The following RIC1 variants were observed in gnomAD, a reference collection of about 807,000 sequenced individuals.
RIC1 encodes the protein guanine nucleotide exchange factor subunit RIC1.
RIC1 carries 88 observed loss-of-function variants against 169.0 expected under a neutral mutation model. The observed-to-expected ratio is 0.52, with a 90% CI of 0.44 to 0.62. RIC1 has a LOEUF of 0.62. RIC1 is among the 20% of genes least tolerant of loss of function. The pLI is 0.00. For missense variants in RIC1, 1,877 were observed against 1,725.5 expected, an observed-to-expected ratio of 1.09 and a Z score of -1.56; for synonymous variants, 790 against 601.5, an observed-to-expected ratio of 1.31 and a Z score of -4.59.
Position 5,774,358 on chromosome 9 carries a change from G to GT in RIC1, c.*113dup. 1 of 827,458 alleles carries GT rather than the reference G, an allele frequency of 1.2e-6. No individual in the cohort carries two copies. The highest frequency in any genetic ancestry group is 2.8e-5 in the Admixed American group (1 of 35,592). The allele number at this position is 827,458 out of a possible 1,614,324, so 51.3% of individuals were successfully genotyped here. A position where few individuals can be genotyped will look rare whatever the true frequency, so the allele number is the denominator to read the frequency against. On this transcript the variant is annotated 3_prime_UTR_variant, in exon 26 of 26. Coordinates refer to ENST00000414202, the MANE Select transcript of RIC1 (RefSeq NM_020829.4). ...GAGAACTCAGTTCAGAGACTCTTCG[G>GT]TAAGTATTAGTAGATTTTAACTAAT... is the stretch of plus-strand genomic sequence containing the variant.
At chr9:5,644,462 C>T (rs1818403690) in intron 1 of RIC1, among the ~76,000 whole-genome samples, 2 of 152,128 alleles carry the variant, frequency 1.3e-5, no homozygotes, top group Admixed American at 1.3e-4. Flanking sequence ...GTGGTAAAGT[C>T]TGGGCTTTTA....
intron 11 of RIC1, 49 bp downstream of exon 11, chr9:5,746,132 C>G (rs749302461): frequency 2.7e-6 from 4 of 1,465,260 alleles, no homozygotes; most frequent in Non-Finnish European, 3.8e-6. Flanking sequence ...GTGTTAGAAG[C>G]TCAGACCCTT....
rs148769163 is a variant in RIC1 at position 5,714,889 on chromosome 9, A to G, written c.440+886A>G. ...ATATTGAACTATGTAAATGTATTGA[A>G]TTATATGAATGTCATGCTACTTTTA... On this transcript the variant is annotated intron_variant, in intron 4 of 25. Transcript: ENST00000414202. 2.5e-3 allele frequency among the ~76,000 whole-genome samples: 381 copies of G among 152,268 alleles called. 1 individual carries two copies. The highest frequency in any genetic ancestry group is 8.8e-3 in the African/African-American group (364 of 41,560).
chr9:5,683,764 C>T (rs1047583445), intron 2 of RIC1, among the ~76,000 whole-genome samples: 6 of 152,154 alleles, frequency 3.9e-5, no homozygotes, highest in Non-Finnish European at 7.3e-5. Flanking sequence ...CTGAGGAAGG[C>T]GGGCCTCCTT....
intron 8 of RIC1, among the ~76,000 whole-genome samples, chr9:5,738,847 T>A (rs1188622115): frequency 1.3e-5 from 2 of 150,782 alleles, no homozygotes; most frequent in East Asian, 3.9e-4. Context: ...AATGCCCAAG[T>A]TCTACACAAG....
chr9:5,638,455 T>C (rs1023076504), intron 1 of RIC1, among the ~76,000 whole-genome samples: 3 of 152,218 alleles, frequency 2.0e-5, no homozygotes, highest in Non-Finnish European at 4.4e-5. Flanking sequence ...AATTGAGCAG[T>C]GAAACCACTA....
chr9:5,718,699 G>C (rs934181040), intron 4 of RIC1, among the ~76,000 whole-genome samples: 1 of 152,148 alleles, frequency 6.6e-6, no homozygotes, highest in African/African-American at 2.4e-5. Flanking sequence ...GATACACATA[G>C]ATTTTATCAC....
intron 12 of RIC1, among the ~76,000 whole-genome samples, chr9:5,748,360 G>A (rs561506307): frequency 6.6e-6 from 1 of 152,228 alleles, no homozygotes; most frequent in East Asian, 1.9e-4. Context: ...TTGACTTTGA[G>A]TGAAGATAAT....
rs1352684122 is a variant in RIC1, at chr9:5,763,709, C to G, written c.2682C>G (p.Phe894Leu). The part of the protein sequence containing the change: ...LPTVAKFITE[F>L]PLFLQTVVHC... ...CTGTGGCAAAATTTATCACTGAGTT[C>G]CCCCTCTTCCTGCAGACAGTTGTCC... The change falls in exon 19 of 26, where the codon TTC (phenylalanine) becomes TTG (leucine). Residue 894 changes from phenylalanine to leucine, a missense_variant. Phe to Leu is a conservative substitution (Grantham distance 22). Transcript: ENST00000414202. The surrounding 1 kb of genome is among the most constrained non-coding windows in gnomAD (Gnocchi z 5.2). The G allele has an allele frequency of 6.2e-7, 1 of 1,614,186 alleles. No individual in the cohort carries two copies. The highest frequency in any genetic ancestry group is 1.7e-5 in the Admixed American group (1 of 60,022).
intron 2 of RIC1, among the ~76,000 whole-genome samples, chr9:5,688,834 G>C (rs930365500): frequency 6.6e-6 from 1 of 152,026 alleles, no homozygotes; most frequent in Non-Finnish European, 1.5e-5. Flanking sequence ...CCTCTAAAAT[G>C]ATAGGAATTC....
chr9:5,731,723 T>C (rs1207773484), intron 6 of RIC1, among the ~76,000 whole-genome samples: 2 of 152,166 alleles, frequency 1.3e-5, no homozygotes, highest in African/African-American at 2.4e-5. Flanking sequence ...TGAATGCTTG[T>C]TGAATGGTAG....
intron 3 of RIC1, among the ~76,000 whole-genome samples, chr9:5,694,755 G>C (rs1053868497): frequency 1.3e-5 from 2 of 150,362 alleles, no homozygotes; most frequent in African/African-American, 2.4e-5. Context: ...CTGTCTCAAT[G>C]TGTGATAATA....
chr9:5,731,269 G>C (rs1290325196), intron 6 of RIC1, among the ~76,000 whole-genome samples: 1 of 151,922 alleles, frequency 6.6e-6, no homozygotes, highest in African/African-American at 2.4e-5. Flanking sequence ...ACTTATTGTA[G>C]GACTGAATTT....
At chr9:5,676,416 T>G (rs1420458222) in intron 2 of RIC1, among the ~76,000 whole-genome samples, 1 of 152,226 alleles carries the variant, frequency 6.6e-6, no homozygotes, top group Non-Finnish European at 1.5e-5. Context: ...TTCTAGGCAC[T>G]GTTGTAGTGC....
At chr9:5,740,172 T>C (rs1383956423) in intron 8 of RIC1, among the ~76,000 whole-genome samples, 3 of 152,210 alleles carry the variant, frequency 2.0e-5, no homozygotes, top group East Asian at 1.9e-4. Flanking sequence ...AAAGGTGTTA[T>C]GTATAGAGTC....
At chr9:5,634,854 T>A (rs1420675178) in intron 1 of RIC1, among the ~76,000 whole-genome samples, 1 of 152,240 alleles carries the variant, frequency 6.6e-6, no homozygotes, top group African/African-American at 2.4e-5. Context: ...GTTTTACATT[T>A]AAGTCTTTGA....
Position 5,758,475 on chromosome 9 carries a change from A to T in RIC1, c.1992+1024A>T, listed in dbSNP as rs540138233. Among the ~76,000 whole-genome samples the T allele has an allele frequency of 5.9e-5, 9 of 152,354 alleles. No individual in the cohort carries two copies. The South Asian group carries it at 1.9e-3, about 32-fold the overall frequency. On this transcript the variant is annotated intron_variant, in intron 17 of 25. Coordinates refer to ENST00000414202, the MANE Select transcript of RIC1 (RefSeq NM_020829.4). Reference sequence around the variant, plus strand: ...AGTTATGGGGAATTTAATATTACTTATATGAATCTAAAATCAATTTTGTTA... The same window carrying T: ...AGTTATGGGGAATTTAATATTACTTTTATGAATCTAAAATCAATTTTGTTA...
At chr9:5,646,731 C>G (rs759568065) in intron 1 of RIC1, among the ~76,000 whole-genome samples, 1 of 152,128 alleles carries the variant, frequency 6.6e-6, no homozygotes, top group African/African-American at 2.4e-5. Context: ...TAAAGTGACA[C>G]GTGACTGTAT....
At chr9:5,724,487 C>G (rs529877836) in intron 6 of RIC1, among the ~76,000 whole-genome samples, 2 of 152,208 alleles carry the variant, frequency 1.3e-5, no homozygotes, top group African/African-American at 2.4e-5. Flanking sequence ...TCTAGATATA[C>G]AATCATGTCA....
Sources: gnomAD v4.1 joint callset for allele counts (sites outside exome capture counted in the v4.1 genomes callset) on GRCh38, gnomAD v4.1.1 for gene constraint, Gnocchi (gnomAD v3.1) non-coding constraint, MANE v1.5 for transcripts, NCBI Gene and HGNC (gene_info 2026-07-23, HGNC 2026-07-21) for gene names.